ELP5: variants seen among roughly 807,000 people sequenced by gnomAD.
ELP5 encodes the protein elongator acetyltransferase complex subunit 5.
In ELP5, 34 loss-of-function variants were observed where a neutral mutation model predicts 33.4. The ratio of observed to expected loss-of-function variants is 1.02; its 90% CI spans 0.78 to 1.36. The LOEUF (loss-of-function observed/expected upper bound fraction) is 1.36. Among genes scored for constraint, ELP5 ranks in the 40% most tolerant of loss-of-function variants. ELP5 has a pLI of 0.00. For synonymous variants in ELP5, 161 were observed against 146.4 expected (o/e 1.10, Z -0.72); for missense variants, 373 against 371.7 (o/e 1.00, Z -0.03).
At position 7,252,431 on chromosome 17, in the gene ELP5, G is replaced by A; in HGVS notation, c.-120G>A. On this transcript the variant is annotated 5_prime_UTR_variant, in exon 1 of 8. It removes an upstream start codon present in the reference 5' UTR. Transcript: ENST00000396628. Reference sequence around the variant, plus strand: ...ATAATCACCTCTCATTCCAGACTATGTTAGGTCTTAATGGTGGGAGGACGC... The same window carrying A: ...ATAATCACCTCTCATTCCAGACTATATTAGGTCTTAATGGTGGGAGGACGC... The A allele has an allele frequency of 1.4e-6, 2 of 1,462,124 alleles. No individual in the cohort carries two copies. Among genetic ancestry groups the A allele is most frequent in the Non-Finnish European group, 1.9e-6 (2 of 1,054,898 alleles). The allele number at this position is 1,462,124 out of a possible 1,614,324, so 90.6% of individuals were successfully genotyped here.
In ELP5 at chr17:7,258,601, C is replaced by T. The variant is rs769997557; in HGVS notation, c.605C>T (p.Ser202Phe). The T allele has an allele frequency of 5.0e-6, 8 of 1,614,054 alleles. No homozygotes were observed. The African/African-American group carries it at 1.1e-4, about 22-fold the overall frequency. Residue 202 changes from serine (S) to phenylalanine (F), a missense_variant, in exon 6 of 8, where the codon TCC becomes TTC. Transcript: ENST00000396628. ...TTTTCTCTCCAGACTCAGTGGTTCT[C>T]CATCCTTCCGGACTTCAGCCTGGAT... ...QRPTDQTQWF[S>F]ILPDFSLDLQ...
At chr17:7,253,953 C>T (rs762993243) in intron 3 of ELP5, among the ~76,000 whole-genome samples, 2 of 150,694 alleles carry the variant, frequency 1.3e-5, no homozygotes, top group Admixed American at 6.6e-5. Context: ...GCGGAGATCA[C>T]GCCATTGCAC....
At chr17:7,259,074 A>G (rs1350897606) in intron 7 of ELP5, 148 bp downstream of exon 7, 4 of 1,470,946 alleles carry the variant, frequency 2.7e-6, no homozygotes, top group South Asian at 1.4e-5. Context: ...TGATCCACCC[A>G]TTCCCCCTAT....
rs374518205 is a variant in ELP5, at chr17:7,252,241, G to C, written c.-310G>C. 6.0e-5 allele frequency: 28 copies of C among 470,246 alleles called. No individual in the cohort carries two copies. The highest frequency in any genetic ancestry group is 4.8e-4 in the African/African-American group (24 of 50,306). 29.1% of individuals were successfully genotyped at this position (470,246 alleles called of 1,614,324 possible). A position where few individuals can be genotyped will look rare whatever the true frequency, so the allele number is the denominator to read the frequency against. On this transcript the variant is annotated 5_prime_UTR_variant, in exon 1 of 8. Transcript: ENST00000396628. Reference sequence around the variant, plus strand: ...CTTGGCCCGCGCTTAGGGCCCTCGCGGGGGGCTTGTGGGTCCTCCTCCCCC... The same window carrying C: ...CTTGGCCCGCGCTTAGGGCCCTCGCCGGGGGCTTGTGGGTCCTCCTCCCCC...
chr17:7,257,628 G>T (rs1344305991), intron 5 of ELP5, among the ~76,000 whole-genome samples: 2 of 151,674 alleles, frequency 1.3e-5, no homozygotes, highest in East Asian at 3.9e-4. Context: ...ATACAGATGA[G>T]ATCTCACCCT....
chr17:7,252,967 C>T lies in ELP5; in HGVS notation c.157C>T (p.Arg53Cys), dbSNP rs369520416. 48 of 1,613,998 alleles carry T rather than the reference C, an allele frequency of 3.0e-5. No homozygotes were observed. Among genetic ancestry groups the T allele is most frequent in the South Asian group, 5.5e-5 (5 of 91,086 alleles). The change falls in exon 3 of 8, where the codon CGT (arginine) becomes TGT (cysteine). Residue 53 changes from arginine to cysteine, a missense_variant. Arg to Cys is a radical substitution (Grantham distance 180). Transcript: ENST00000396628. ...CTGTGAAGTGAGCGAGGAAGAGTTT[C>T]GTGAAGGTTTTGACTCTGATATCAA... ...LGCEVSEEEF[R>C]EGFDSDINNR...
chr17:7,254,490 T>A, intron 3 of ELP5, 93 bp from the exon 4 acceptor site: 2 of 876,782 alleles, frequency 2.3e-6, no homozygotes, highest in African/African-American at 3.4e-5. Context: ...TTCATAAAAA[T>A]TGAGAAAACA....
chr17:7,254,948 T>A (rs2072041927), intron 4 of ELP5, 145 bp downstream of exon 4: 1 of 659,896 alleles, frequency 1.5e-6, no homozygotes, highest in Admixed American at 3.3e-5. Context: ...TGTTTTTTTT[T>A]TTTTTTACTT....
At position 7,252,847 on chromosome 17, in the gene ELP5, G is replaced by A; in HGVS notation, c.107+17G>A. The A allele has an allele frequency of 6.2e-7, 1 of 1,614,216 alleles. No individual in the cohort carries two copies. The highest frequency in any genetic ancestry group is 8.5e-7 in the Non-Finnish European group (1 of 1,180,030). The stretch of plus-strand genomic sequence containing the variant: ...TGCACTGTGGTGAGTATCCCACAGT[G>A]TCTCCCCGGCCTACCCTGGATAGGG... On this transcript the variant is annotated intron_variant, in intron 2 of 7. Transcript: ENST00000396628.
At position 7,256,855 on chromosome 17, in the gene ELP5, A is replaced by G. The variant is rs2072085863; in HGVS notation, c.410-2A>G. 1.2e-6 allele frequency: 2 copies of G among 1,614,042 alleles called. No homozygotes were observed. The highest frequency in any genetic ancestry group is 1.7e-6 in the Non-Finnish European group (2 of 1,180,026). On this transcript the variant is annotated splice_acceptor_variant, in intron 4 of 7. Coordinates refer to ENST00000396628, the MANE Select transcript of ELP5 (RefSeq NM_203414.3). LOFTEE classifies it high-confidence loss of function. ...TATCCTACATTTCTTGTCCTCCTCT[A>G]GGTGACAGCTCCTCAGTGGGGAAAG...
chr17:7,252,730 C>G (rs371067482), intron 1 of ELP5, 40 bp from the exon 2 acceptor site: 2 of 1,613,802 alleles, frequency 1.2e-6, no homozygotes, highest in African/African-American at 1.3e-5. Context: ...GGCGGTAATC[C>G]CAGCGCTCTC....
At chr17:7,257,173 G>C in intron 5 of ELP5, 135 bp downstream of exon 5, 3 of 970,822 alleles carry the variant, frequency 3.1e-6, no homozygotes, top group Non-Finnish European at 4.4e-6. Context: ...GTTTCACTGT[G>C]TTGGTCAGGG....
chr17:7,259,835 G>A lies in ELP5; in HGVS notation c.*150G>A. ...GGAGCCCCGCCTTGTGAGCCAGGAAGCAGCGTCTCATCAGGACAGAAGGTA... is the reference window on the plus strand; with the variant it reads ...GGAGCCCCGCCTTGTGAGCCAGGAAACAGCGTCTCATCAGGACAGAAGGTA... On this transcript the variant is annotated 3_prime_UTR_variant, in exon 8 of 8. Transcript: ENST00000396628. The A allele has an allele frequency of 7.2e-6, 10 of 1,393,798 alleles. No individual in the cohort carries two copies. The South Asian group carries it at 1.3e-4, about 18-fold the overall frequency. 86.3% of individuals were successfully genotyped at this position (1,393,798 alleles called of 1,614,324 possible). A position where few individuals can be genotyped will look rare whatever the true frequency, so the allele number is the denominator to read the frequency against.
In ELP5 at chr17:7,253,416, G is replaced by T. The variant is rs147232444; in HGVS notation, c.188+418G>T. ...GGAAGTGATAGAGGCCTGGTTTAAG[G>T]CAGTGGCAGTAGAGATGGAAAGTTT... is the stretch of plus-strand genomic sequence containing the variant. On this transcript the variant is annotated intron_variant, in intron 3 of 7. Coordinates refer to ENST00000396628, the MANE Select transcript of ELP5 (RefSeq NM_203414.3). 2.4e-3 allele frequency among the ~76,000 whole-genome samples: 361 copies of T among 152,296 alleles called. 3 individuals are homozygous for T. The highest frequency in any genetic ancestry group is 8.2e-3 in the African/African-American group (342 of 41,550).
intron 4 of ELP5, 180 bp downstream of exon 4, chr17:7,254,983 CT>C (rs1172501646): frequency 1.5e-4 from 86 of 571,258 alleles, no homozygotes; most frequent in South Asian, 2.9e-4. Flanking sequence ...CTACCATTTG[CT>C]TTTTTTTCTC....
Position 7,259,176 on chromosome 17 carries a change from G to A in ELP5, c.788+250G>A. 4 of 1,402,400 alleles carry A rather than the reference G, an allele frequency of 2.9e-6. No individual in the cohort carries two copies. The South Asian group carries it at 4.6e-5, about 16-fold the overall frequency. 86.9% of individuals were successfully genotyped at this position (1,402,400 alleles called of 1,614,324 possible). A position where few individuals can be genotyped will look rare whatever the true frequency, so the allele number is the denominator to read the frequency against. The stretch of plus-strand genomic sequence containing the variant: ...CCAGAGCACCCTGGGCCTGGGCTGA[G>A]CCAGACCAGACCCTTGGGAGGTGGC... On this transcript the variant is annotated intron_variant, in intron 7 of 7. Transcript: ENST00000396628.
At chr17:7,259,097 CCTTTATGT>C in intron 7 of ELP5, 171 bp downstream of exon 7, 1 of 1,452,228 alleles carries the variant, frequency 6.9e-7, no homozygotes, top group East Asian at 2.5e-5. Context: ...TGGCAGAGGA[CCTTTATGT>C]CTCTTTTCTC....
chr17:7,256,881 T>G lies in ELP5; in HGVS notation c.434T>G (p.Val145Gly). 6.2e-7 allele frequency: 1 copy of G among 1,614,200 alleles called. No homozygotes were observed. The change falls in exon 5 of 8, where the codon GTG becomes GGG. Residue 145 changes from valine to glycine, a missense_variant. Coordinates refer to ENST00000396628, the MANE Select transcript of ELP5 (RefSeq NM_203414.3). ...GGTGACAGCTCCTCAGTGGGGAAAG[T>G]GAGTGTGCTGGGCTTGCTACATGAA... ...CPGDSSSVGKVSVLGLLHEEL... is the reference protein window; with the variant it reads ...CPGDSSSVGKGSVLGLLHEEL...
chr17:7,253,723 C>G lies in ELP5; in HGVS notation c.188+725C>G, dbSNP rs1313484660. 2.6e-5 allele frequency among the ~76,000 whole-genome samples: 4 copies of G among 152,122 alleles called. No individual in the cohort carries two copies. In the East Asian group the frequency reaches 7.7e-4, roughly 29 times the overall value. On this transcript the variant is annotated intron_variant, in intron 3 of 7. Coordinates refer to ENST00000396628, the MANE Select transcript of ELP5 (RefSeq NM_203414.3). ...TCAGATGGCATTCCATGGCTGGGCG[C>G]GGTGGCTCACGCCTGTAATCCCAGC...
Sources: allele counts gnomAD v4.1 joint callset (sites outside exome capture counted in the v4.1 genomes callset), GRCh38; gene constraint gnomAD v4.1.1; transcripts MANE v1.5; gene names NCBI Gene and HGNC (gene_info 2026-07-23, HGNC 2026-07-21).